Variants in CACNA1I observed in about 807,000 individuals in gnomAD.
CACNA1I encodes calcium voltage-gated channel subunit alpha1 I.
A neutral mutation model predicts 201.6 loss-of-function variants in CACNA1I; 74 were observed. The ratio of observed to expected loss-of-function variants is 0.37; its 90% CI spans 0.30 to 0.45. The LOEUF is 0.45. CACNA1I is among the 20% of genes least tolerant of loss of function. CACNA1I has a pLI of 1.00. For synonymous variants in CACNA1I, 1,431 were observed against 1,345.2 expected, an observed-to-expected ratio of 1.06 and a Z score of -1.40; for missense variants, 2,346 against 3,138.1, an observed-to-expected ratio of 0.75 and a Z score of 6.03.
intron 10 of CACNA1I, among the ~76,000 whole-genome samples, chr22:39,652,945 CCTGGTT>C (rs1489262693): frequency 1.3e-5 from 2 of 152,186 alleles, no homozygotes; most frequent in Non-Finnish European, 2.9e-5. Flanking sequence ...ACAAACCAAT[CCTGGTT>C]CTGCTATTGA....
In CACNA1I at chr22:39,659,887, AG is replaced by A. The variant is rs1397249721; in HGVS notation, c.2604+38del. 1.2e-6 allele frequency: 2 copies of A among 1,612,892 alleles called. No homozygotes were observed. Among genetic ancestry groups the A allele is most frequent in the Middle Eastern group, 1.7e-4 (1 of 6,058 alleles). On this transcript the variant is annotated intron_variant, in intron 14 of 36. Transcript: ENST00000402142. This position sits in a 1 kb window ranked among gnomAD's most constrained non-coding sequence, Gnocchi z 4.3. ...GTCTTGGCAGAGGAAGCACCCCCAC[AG>A]GGTCTGCGAAAGACTGGGCGAGGGA...
chr22:39,632,563 G>A (rs1934094444), intron 4 of CACNA1I, among the ~76,000 whole-genome samples: 1 of 152,156 alleles, frequency 6.6e-6, no homozygotes, highest in South Asian at 2.1e-4. Context: ...CTTGCTGCCA[G>A]GCTGTGAGCT....
At position 39,570,791 on chromosome 22, in the gene CACNA1I, A is replaced by T; in HGVS notation, c.39A>T (p.Ala13=). 2 of 1,612,566 alleles carry T rather than the reference A, an allele frequency of 1.2e-6. No homozygotes were observed. Among genetic ancestry groups the T allele is most frequent in the Non-Finnish European group, 1.7e-6 (2 of 1,179,564 alleles). The change falls in exon 1 of 37, where the codon GCA becomes GCT. Residue 13 remains alanine (A), a synonymous_variant. Transcript: ENST00000402142. ...ESASPPSSSA[A]APAAEPGVTT... is the part of the protein sequence containing the mutation. ...CCTCCCCGCCCTCCTCATCTGCAGCAGCCCCAGCCGCTGAGCCAGGAGTCA... is the reference window on the plus strand; with the variant it reads ...CCTCCCCGCCCTCCTCATCTGCAGCTGCCCCAGCCGCTGAGCCAGGAGTCA...
At chr22:39,588,012 G>A (rs898484585) in intron 1 of CACNA1I, among the ~76,000 whole-genome samples, 3 of 152,124 alleles carry the variant, frequency 2.0e-5, no homozygotes, top group Non-Finnish European at 2.9e-5. Context: ...CTGGCCTCAT[G>A]TGATCTGCCT....
At chr22:39,643,846 A>T (rs1288338218) in intron 7 of CACNA1I, among the ~76,000 whole-genome samples, 1 of 152,226 alleles carries the variant, frequency 6.6e-6, no homozygotes, top group Non-Finnish European at 1.5e-5. Flanking sequence ...CACTCACCAG[A>T]ACATTCAGGA....
chr22:39,599,446 C>T (rs113924117), intron 2 of CACNA1I, among the ~76,000 whole-genome samples: 349 of 141,852 alleles, frequency 2.5e-3, no homozygotes, highest in Non-Finnish European at 4.4e-3. Flanking sequence ...GGTGAAACCC[C>T]GTCTCTACTA....
At chr22:39,577,246 G>A (rs1932387889) in intron 1 of CACNA1I, among the ~76,000 whole-genome samples, 1 of 152,198 alleles carries the variant, frequency 6.6e-6, no homozygotes, top group African/African-American at 2.4e-5. Flanking sequence ...ATTTTAGCCA[G>A]GCTGGTCTTG....
chr22:39,638,275 T>G (rs1934268197), intron 5 of CACNA1I, among the ~76,000 whole-genome samples: 1 of 152,172 alleles, frequency 6.6e-6, no homozygotes, highest in East Asian at 1.9e-4. Flanking sequence ...TTATTTTTAG[T>G]GGATAGTCAA....
At chr22:39,626,570 G>A (rs1339111383) in intron 4 of CACNA1I, among the ~76,000 whole-genome samples, 1 of 152,164 alleles carries the variant, frequency 6.6e-6, no homozygotes, top group Non-Finnish European at 1.5e-5. Context: ...ACATCTTCTA[G>A]GGAGTTAATT....
In CACNA1I at chr22:39,655,265, G is replaced by A. The variant is rs544283348; in HGVS notation, c.1993-2887G>A. Among the ~76,000 whole-genome samples, 578 of 85,730 alleles carry A rather than the reference G, an allele frequency of 6.7e-3. 1 individual carries two copies. The highest frequency in any genetic ancestry group is 0.027 in the Middle Eastern group (4 of 150). 56.2% of individuals were successfully genotyped at this position (85,730 alleles called of 152,430 possible). ...ATGGTGCTGGGCTGGAGGGCTTCCCGGGGGGCAGCTGACCTCTGCACACCC... is the reference window on the plus strand; with the variant it reads ...ATGGTGCTGGGCTGGAGGGCTTCCCAGGGGGCAGCTGACCTCTGCACACCC... On this transcript the variant is annotated intron_variant, in intron 10 of 36. Transcript: ENST00000402142.
At chr22:39,605,082 C>T (rs1013283335) in intron 3 of CACNA1I, among the ~76,000 whole-genome samples, 4 of 149,152 alleles carry the variant, frequency 2.7e-5, no homozygotes, top group African/African-American at 9.9e-5. Flanking sequence ...AGACCCATCC[C>T]CAGAGCTGCC....
chr22:39,649,525 T>A lies in CACNA1I; in HGVS notation c.1592T>A (p.Leu531Gln). ...GAGCTGTGCCCGCAACATAGCCCCC[T>A]GGATGCGACGCCCCACACCCTGGTG... ...GRELCPQHSP[L>Q]DATPHTLVQP... The change falls in exon 10 of 37, where the codon CTG (leucine) becomes CAG (glutamine). Residue 531 changes from leucine (L) to glutamine (Q), a missense_variant. This residue lies in a region of CACNA1I where 312 missense variants were observed against 331.5 expected (regional missense o/e 0.94). Coordinates refer to ENST00000402142, the MANE Select transcript of CACNA1I (RefSeq NM_021096.4). The surrounding 1 kb of genome is among the most constrained non-coding windows in gnomAD (Gnocchi z 7.3). The A allele has an allele frequency of 6.4e-7, 1 of 1,561,842 alleles. No individual in the cohort carries two copies. Among genetic ancestry groups the A allele is most frequent in the Non-Finnish European group, 8.7e-7 (1 of 1,153,138 alleles).
In CACNA1I at chr22:39,684,976, T is replaced by C. The variant is rs561454014; in HGVS notation, c.6027+478T>C. On this transcript the variant is annotated intron_variant, in intron 36 of 36. Transcript: ENST00000402142. The surrounding 1 kb of genome is among the most constrained non-coding windows in gnomAD (Gnocchi z 4.6). ...ACTGGATTGGCCAGGGCCACAGCCC[T>C]CCTACCCACGGGCACACAGAGGTCT... 11 of 236,964 alleles carry C rather than the reference T, an allele frequency of 4.6e-5. No homozygotes were observed. Among genetic ancestry groups the C allele is most frequent in the Non-Finnish European group, 8.2e-5 (10 of 121,980 alleles). The allele number at this position is 236,964 out of a possible 1,614,324, so 14.7% of individuals were successfully genotyped here. A position where few individuals can be genotyped will look rare whatever the true frequency, so the allele number is the denominator to read the frequency against.
rs954977314 is a variant in CACNA1I, at chr22:39,619,428, C to G, written c.580+21C>G. The stretch of plus-strand genomic sequence containing the variant: ...GCCCAGTGAGTCAGCCCCGCCCTGT[C>G]CACACATTCCTGGCTGATCCATCCC... On this transcript the variant is annotated intron_variant, in intron 4 of 36. Coordinates refer to ENST00000402142, the MANE Select transcript of CACNA1I (RefSeq NM_021096.4). 4.5e-6 allele frequency: 7 copies of G among 1,572,502 alleles called. No homozygotes were observed. The African/African-American group carries it at 9.4e-5, about 21-fold the overall frequency.
At chr22:39,574,139 C>T (rs541376942) in intron 1 of CACNA1I, among the ~76,000 whole-genome samples, 3 of 152,278 alleles carry the variant, frequency 2.0e-5, no homozygotes, top group South Asian at 2.1e-4. Flanking sequence ...AAAACTTCTG[C>T]GACAGTCTAA....
chr22:39,669,959 G>A (rs1935320164), intron 24 of CACNA1I, 79 bp from the exon 25 acceptor site: 4 of 1,529,522 alleles, frequency 2.6e-6, no homozygotes, highest in Non-Finnish European at 3.6e-6. Flanking sequence ...ACTCCATGGA[G>A]GCTCAGCCAG....
intron 1 of CACNA1I, among the ~76,000 whole-genome samples, chr22:39,592,633 G>A (rs1932835717): frequency 6.6e-6 from 1 of 152,222 alleles, no homozygotes; most frequent in South Asian, 2.1e-4. Context: ...GGGAGCCATT[G>A]AAGACGTCCT....
chr22:39,622,693 G>A (rs1158518198), intron 4 of CACNA1I, among the ~76,000 whole-genome samples: 3 of 151,720 alleles, frequency 2.0e-5, no homozygotes, highest in Non-Finnish European at 2.9e-5. Flanking sequence ...GCAGGGGTGG[G>A]GGTGGGATGC....
chr22:39,612,548 A>G (rs1040337730), intron 3 of CACNA1I, among the ~76,000 whole-genome samples: 2 of 152,148 alleles, frequency 1.3e-5, no homozygotes, highest in Non-Finnish European at 2.9e-5. Flanking sequence ...GAGTCTTCTC[A>G]TTGAGTCCTC....
Sources: gnomAD v4.1 joint callset for allele counts (sites outside exome capture counted in the v4.1 genomes callset) on GRCh38, gnomAD v4.1.1 for gene constraint, gnomAD v4.1.1 regional missense constraint, Gnocchi (gnomAD v3.1) non-coding constraint, MANE v1.5 for transcripts, NCBI Gene and HGNC (gene_info 2026-07-23, HGNC 2026-07-21) for gene names.